NKAIN3: variants seen among roughly 807,000 people sequenced by gnomAD.
NKAIN3 encodes the protein sodium/potassium-transporting ATPase subunit beta-1-interacting protein 3.
Under a neutral mutation model 30.2 loss-of-function variants are expected in NKAIN3, and 25 were observed. That is an observed-to-expected ratio of 0.83 (90% CI 0.60 to 1.16). NKAIN3 has a LOEUF of 1.16. NKAIN3 is among the 50% of genes most tolerant of loss of function. The pLI is 0.00. For synonymous variants in NKAIN3, 91 were observed against 89.6 expected, an observed-to-expected ratio of 1.02 and a Z score of -0.09; for missense variants, 225 against 254.1, an observed-to-expected ratio of 0.89 and a Z score of 0.78.
Position 62,409,735 on chromosome 8 carries a change from A to G in NKAIN3, c.54+160608A>G, listed in dbSNP as rs563370549. Among the ~76,000 whole-genome samples the G allele has an allele frequency of 2.0e-5, 3 of 152,014 alleles. No individual in the cohort carries two copies. The South Asian group carries it at 6.2e-4, about 32-fold the overall frequency. On this transcript the variant is annotated intron_variant, in intron 1 of 6. Transcript: ENST00000623646. ...TTAAGGCTAAGAAGAAAAATATCCA[A>G]CTTCAGAGTTTTTTAAAATACTTAC...
At chr8:62,803,829 G>A (rs1389800730) in intron 4 of NKAIN3, among the ~76,000 whole-genome samples, 1 of 152,124 alleles carries the variant, frequency 6.6e-6, no homozygotes, top group Non-Finnish European at 1.5e-5. Context: ...CCAGGAGCTG[G>A]TTTTTTGAAA....
intron 4 of NKAIN3, among the ~76,000 whole-genome samples, chr8:62,783,793 T>G (rs141083829): frequency 1.8e-4 from 28 of 152,012 alleles, no homozygotes; most frequent in Admixed American, 3.3e-4. Context: ...CAGCTAAATT[T>G]TTTATTTTTT....
chr8:62,267,346 A>G (rs1250551658), intron 1 of NKAIN3, among the ~76,000 whole-genome samples: 2 of 152,174 alleles, frequency 1.3e-5, no homozygotes, highest in Admixed American at 6.5e-5. Flanking sequence ...TTTCCTTTTT[A>G]ATAGATTACT....
intron 5 of NKAIN3, among the ~76,000 whole-genome samples, chr8:62,938,141 C>T (rs1598454): frequency 0.034 from 5,224 of 152,078 alleles, 262 homozygotes; most frequent in East Asian, 0.12. Flanking sequence ...AGACAAAAGA[C>T]ATAATATCTT....
At chr8:62,434,300 C>T (rs1227166520) in intron 1 of NKAIN3, among the ~76,000 whole-genome samples, 2 of 152,156 alleles carry the variant, frequency 1.3e-5, no homozygotes, top group South Asian at 4.1e-4. Context: ...ATGCAAGTCT[C>T]AACCTCATTT....
chr8:62,868,414 A>G (rs1820490227), intron 4 of NKAIN3, among the ~76,000 whole-genome samples: 1 of 151,428 alleles, frequency 6.6e-6, no homozygotes, highest in African/African-American at 2.4e-5. Context: ...AAGAAAATGG[A>G]CCAAGGAGGC....
chr8:62,367,375 T>A (rs1203770238), intron 1 of NKAIN3, among the ~76,000 whole-genome samples: 1 of 152,182 alleles, frequency 6.6e-6, no homozygotes, highest in Non-Finnish European at 1.5e-5. Context: ...TACATCATAA[T>A]CAAATGTGAT....
chr8:62,961,922 T>C (rs981187585), intron 6 of NKAIN3, among the ~76,000 whole-genome samples: 3 of 152,212 alleles, frequency 2.0e-5, no homozygotes, highest in Non-Finnish European at 4.4e-5. Flanking sequence ...TATCTGATGT[T>C]TGTACAGCTT....
chr8:62,853,272 G>T (rs1323713178), intron 4 of NKAIN3, among the ~76,000 whole-genome samples: 2 of 152,100 alleles, frequency 1.3e-5, no homozygotes, highest in Admixed American at 1.3e-4. Flanking sequence ...GAGTAAGATT[G>T]CAACCCCTGC....
chr8:62,946,561 T>C (rs919009088), intron 5 of NKAIN3, among the ~76,000 whole-genome samples: 1 of 152,212 alleles, frequency 6.6e-6, no homozygotes, highest in African/African-American at 2.4e-5. Context: ...TCTGCAGTCT[T>C]TGAAGGGCCT....
chr8:62,945,420 T>C (rs1054601021), intron 5 of NKAIN3, among the ~76,000 whole-genome samples: 1 of 152,198 alleles, frequency 6.6e-6, no homozygotes, highest in African/African-American at 2.4e-5. Context: ...AGCTATTACT[T>C]TATTAACATC....
At chr8:62,502,705 G>T (rs1807498408) in intron 1 of NKAIN3, among the ~76,000 whole-genome samples, 1 of 152,070 alleles carries the variant, frequency 6.6e-6, no homozygotes, top group African/African-American at 2.4e-5. Context: ...TTTGAAATTT[G>T]TATTGTATAT....
chr8:62,763,165 G>T (rs1355675901), intron 4 of NKAIN3, among the ~76,000 whole-genome samples: 1 of 132,290 alleles, frequency 7.6e-6, no homozygotes, highest in East Asian at 2.5e-4. Flanking sequence ...AGCTTGCAGT[G>T]AACCGAGATC....
At chr8:62,530,746 C>T (rs1679059094) in intron 1 of NKAIN3, among the ~76,000 whole-genome samples, 1 of 152,070 alleles carries the variant, frequency 6.6e-6, no homozygotes, top group Non-Finnish European at 1.5e-5. Context: ...TCAAGAGACT[C>T]TCCTGCCTCA....
intron 5 of NKAIN3, among the ~76,000 whole-genome samples, chr8:62,941,327 A>G (rs1387554572): frequency 6.6e-6 from 1 of 152,096 alleles, no homozygotes; most frequent in African/African-American, 2.4e-5. Context: ...CAGACATTCA[A>G]AGAATTGGTA....
At chr8:62,834,838 A>G (rs1166426049) in intron 4 of NKAIN3, among the ~76,000 whole-genome samples, 5 of 152,072 alleles carry the variant, frequency 3.3e-5, no homozygotes, top group African/African-American at 1.2e-4. Flanking sequence ...ACTACTCTAA[A>G]ATAGTTTTTA....
chr8:62,610,418 C>T (rs1029234472), intron 3 of NKAIN3, among the ~76,000 whole-genome samples: 11 of 151,016 alleles, frequency 7.3e-5, no homozygotes, highest in Non-Finnish European at 1.2e-4. Context: ...TTTGAATAAT[C>T]AGTTCAAATA....
Position 62,970,504 on chromosome 8 carries a change from A to T in NKAIN3, c.*5097A>T, listed in dbSNP as rs898594016. On this transcript the variant is annotated 3_prime_UTR_variant, in exon 7 of 7. Transcript: ENST00000623646. ...TGCATTCAAATAAAGGGTAAAAATC[A>T]TGTTAAATGCTAAACATTTTTAAAA... Among the ~76,000 whole-genome samples the T allele has an allele frequency of 5.3e-5, 8 of 152,218 alleles. No individual in the cohort carries two copies. The highest frequency in any genetic ancestry group is 1.9e-4 in the African/African-American group (8 of 41,480).
chr8:62,758,546 T>C (rs3943272), intron 4 of NKAIN3, among the ~76,000 whole-genome samples: 134,643 of 152,152 alleles, frequency 0.88, 59,713 homozygotes, highest in African/African-American at 0.91. Context: ...TCCAATCAAT[T>C]ATCTAAGATA....
Sources: gnomAD v4.1 joint callset for allele counts (sites outside exome capture counted in the v4.1 genomes callset) on GRCh38, gnomAD v4.1.1 for gene constraint, MANE v1.5 for transcripts, NCBI Gene and HGNC (gene_info 2026-07-23, HGNC 2026-07-21) for gene names.